The following BMP5 variants were observed in gnomAD, a reference collection of about 807,000 sequenced individuals.
BMP5 encodes the protein bone morphogenetic protein 5.
BMP5 carries 23 observed loss-of-function variants against 46.6 expected under a neutral mutation model. The observed-to-expected ratio is 0.49, with a 90% CI of 0.35 to 0.70. BMP5 has a LOEUF of 0.70. Ranked by LOEUF, BMP5 falls within the 30% of genes least tolerant of loss-of-function variation. The pLI is 0.00. For synonymous variants in BMP5, 204 were observed against 191.9 expected (o/e 1.06, Z -0.52); for missense variants, 545 against 565.6 (o/e 0.96, Z 0.37).
At chr6:55,832,082 G>A (rs565533770) in intron 1 of BMP5, among the ~76,000 whole-genome samples, 19 of 152,232 alleles carry the variant, frequency 1.2e-4, no homozygotes, top group African/African-American at 4.3e-4. Flanking sequence ...TTTACCATTT[G>A]TACCATCTTT....
chr6:55,755,670 A>G lies in BMP5; in HGVS notation c.1228T>C (p.Phe410Leu), dbSNP rs369780602. ...AIVQTLVHLMFPDHVPKPCCA... is the reference protein window; with the variant it reads ...AIVQTLVHLMLPDHVPKPCCA... ...CAAGGCTTTGGTACGTGGTCAGGAA[A>G]CATCAGATGAACCTGGGAAAGAAAA... The change falls in exon 7 of 7, where the codon TTT becomes CTT. Residue 410 changes from phenylalanine (F) to leucine (L), a missense_variant. By Grantham distance (22) the Phe-to-Leu change is conservative. Transcript: ENST00000370830. The G allele has an allele frequency of 1.2e-6, 2 of 1,612,188 alleles. No individual in the cohort carries two copies. The highest frequency in any genetic ancestry group is 1.7e-6 in the Non-Finnish European group (2 of 1,178,704).
At chr6:55,858,236 T>C (rs1028875934) in intron 1 of BMP5, among the ~76,000 whole-genome samples, 39 of 152,220 alleles carry the variant, frequency 2.6e-4, no homozygotes, top group Non-Finnish European at 1.0e-4. Context: ...ACCTCATTCT[T>C]CTCAATTTTT....
At chr6:55,802,412 C>T (rs1024238236) in intron 2 of BMP5, among the ~76,000 whole-genome samples, 1 of 152,068 alleles carries the variant, frequency 6.6e-6, no homozygotes, top group African/African-American at 2.4e-5. Flanking sequence ...GCATAGAGTA[C>T]AAGAGATCAC....
At chr6:55,841,441 T>A (rs931289047) in intron 1 of BMP5, among the ~76,000 whole-genome samples, 1 of 152,210 alleles carries the variant, frequency 6.6e-6, no homozygotes, top group Non-Finnish European at 1.5e-5. Context: ...TTGATTTGTT[T>A]TCAAGTATAA....
chr6:55,837,802 C>T (rs1362362041), intron 1 of BMP5, among the ~76,000 whole-genome samples: 1 of 152,088 alleles, frequency 6.6e-6, no homozygotes, highest in African/African-American at 2.4e-5. Context: ...ATCTCCCTGC[C>T]AGCCTCCCAC....
chr6:55,841,394 A>AT (rs1331298365), intron 1 of BMP5, among the ~76,000 whole-genome samples: 1 of 152,130 alleles, frequency 6.6e-6, no homozygotes, highest in African/African-American at 2.4e-5. Flanking sequence ...TCCAAAAAAA[A>AT]TTTTGATTCT....
At chr6:55,792,443 A>G (rs748239409) in intron 3 of BMP5, among the ~76,000 whole-genome samples, 6 of 150,742 alleles carry the variant, frequency 4.0e-5, no homozygotes, top group Non-Finnish European at 5.9e-5. Context: ...CTGAGGCGAG[A>G]GAATGGCTTG....
chr6:55,818,320 T>C (rs1776326283), intron 2 of BMP5, among the ~76,000 whole-genome samples: 1 of 152,120 alleles, frequency 6.6e-6, no homozygotes, highest in African/African-American at 2.4e-5. Context: ...GTGATCTGAT[T>C]ATTATATCAG....
intron 4 of BMP5, among the ~76,000 whole-genome samples, chr6:55,762,661 C>T (rs911522099): frequency 2.6e-5 from 4 of 152,084 alleles, no homozygotes; most frequent in South Asian, 4.1e-4. Flanking sequence ...TAAATTTCCT[C>T]GATCGTGTTT....
chr6:55,778,597 T>G (rs1274899234), intron 3 of BMP5, among the ~76,000 whole-genome samples: 1 of 151,936 alleles, frequency 6.6e-6, no homozygotes, highest in Non-Finnish European at 1.5e-5. Flanking sequence ...CGTGAAAAGT[T>G]TTTTAAGAAA....
chr6:55,757,989 T>C (rs1320159288), intron 6 of BMP5, among the ~76,000 whole-genome samples: 1 of 151,938 alleles, frequency 6.6e-6, no homozygotes, highest in Non-Finnish European at 1.5e-5. Context: ...TTTAAATTAA[T>C]TGTGGGGGAA....
At chr6:55,769,832 A>G (rs967686522) in intron 4 of BMP5, among the ~76,000 whole-genome samples, 2 of 151,974 alleles carry the variant, frequency 1.3e-5, no homozygotes, top group African/African-American at 4.8e-5. Flanking sequence ...CTACTCGTAT[A>G]TCTCCATCAG....
intron 1 of BMP5, among the ~76,000 whole-genome samples, chr6:55,820,423 AT>A (rs5876467): frequency 3.3e-4 from 49 of 150,378 alleles, no homozygotes; most frequent in South Asian, 2.1e-4. Flanking sequence ...TCTTAAAAAC[AT>A]TTTTTTTTTC....
chr6:55,795,138 A>G (rs542261497), intron 2 of BMP5, among the ~76,000 whole-genome samples: 27 of 152,266 alleles, frequency 1.8e-4, no homozygotes, highest in Admixed American at 7.8e-4. Context: ...GTATTGCTGA[A>G]TCTTAATTTT....
chr6:55,759,246 A>G (rs1393856605), intron 5 of BMP5, 131 bp from the exon 6 acceptor site: 2 of 618,778 alleles, frequency 3.2e-6, no homozygotes, highest in Non-Finnish European at 5.5e-6. Flanking sequence ...ATTGAAATAT[A>G]TTGTATCTGA....
At position 55,813,241 on chromosome 6, in the gene BMP5, C is replaced by G. The variant is rs371082473; in HGVS notation, c.683+6414G>C. On this transcript the variant is annotated intron_variant, in intron 2 of 6. Transcript: ENST00000370830. ...ATAAAATCATTTCATTACCTTTTTT[C>G]TCTCAACTATAATTATTCACATTGC... Among the ~76,000 whole-genome samples, 18 of 151,986 alleles carry G rather than the reference C, an allele frequency of 1.2e-4. No homozygotes were observed. The East Asian group carries it at 3.5e-3, about 29-fold the overall frequency.
At chr6:55,860,125 A>T (rs995916358) in intron 1 of BMP5, among the ~76,000 whole-genome samples, 5 of 152,138 alleles carry the variant, frequency 3.3e-5, no homozygotes, top group African/African-American at 1.2e-4. Flanking sequence ...AATTTTAAAA[A>T]TTAGCCATGT....
At chr6:55,782,566 A>G (rs1013729999) in intron 3 of BMP5, among the ~76,000 whole-genome samples, 1 of 152,160 alleles carries the variant, frequency 6.6e-6, no homozygotes, top group South Asian at 2.1e-4. Context: ...CTTGTGCTCA[A>G]TCTAGGTCAG....
At chr6:55,760,576 A>G in intron 4 of BMP5, 43 bp from the exon 5 acceptor site, 1 of 1,515,518 alleles carries the variant, frequency 6.6e-7, no homozygotes. Flanking sequence ...TTGCTTACAG[A>G]TATACTAATA....
Sources: allele counts gnomAD v4.1 joint callset (sites outside exome capture counted in the v4.1 genomes callset), GRCh38; gene constraint gnomAD v4.1.1; transcripts MANE v1.5; gene names NCBI Gene and HGNC (gene_info 2026-07-23, HGNC 2026-07-21).